The following KIF2A variants were observed in gnomAD, a reference collection of about 807,000 sequenced individuals.
KIF2A encodes the protein kinesin-like protein KIF2A.
Under a neutral mutation model 100.2 loss-of-function variants are expected in KIF2A, and 22 were observed. The observed-to-expected ratio is 0.22, with a 90% CI of 0.16 to 0.31. KIF2A has a LOEUF of 0.31. Among genes scored for constraint, KIF2A ranks in the 10% least tolerant of loss-of-function variants. The pLI is 1.00. For missense variants in KIF2A, 495 were observed against 898.7 expected, an observed-to-expected ratio of 0.55 and a Z score of 5.74; for synonymous variants, 268 against 285.9, an observed-to-expected ratio of 0.94 and a Z score of 0.63.
At chr5:62,352,818 T>C (rs967613791) in intron 5 of KIF2A, 108 bp downstream of exon 5, 4 of 795,270 alleles carry the variant, frequency 5.0e-6, no homozygotes, top group Non-Finnish European at 5.5e-6. Context: ...ACAAGCTTGA[T>C]TGCAGATTTC....
Position 62,355,162 on chromosome 5 carries a change from G to A in KIF2A, c.562G>A (p.Val188Ile), listed in dbSNP as rs777382535. Residue 188 changes from valine to isoleucine, a missense_variant, in exon 7 of 21, where the codon GTT becomes ATT. By Grantham distance (29) the Val-to-Ile change is conservative. Coordinates refer to ENST00000407818, the MANE Select transcript of KIF2A (RefSeq NM_001098511.3). ...AATTCTCTCTGTCTTCTAATAGGAC[G>A]TTGATGCTACAAACCCAAATTATGA... is the stretch of plus-strand genomic sequence containing the variant. ...QELREKRAQD[V>I]DATNPNYEIM... 1.0e-5 allele frequency: 15 copies of A among 1,480,082 alleles called. No individual in the cohort carries two copies. Among genetic ancestry groups the A allele is most frequent in the African/African-American group, 1.4e-5 (1 of 72,194 alleles). The allele number at this position is 1,480,082 out of a possible 1,614,324, so 91.7% of individuals were successfully genotyped here.
intron 4 of KIF2A, among the ~76,000 whole-genome samples, chr5:62,351,306 A>G (rs1747845232): frequency 6.6e-6 from 1 of 152,140 alleles, no homozygotes; most frequent in African/African-American, 2.4e-5. Flanking sequence ...GCAATTTTTA[A>G]TTCATCTTAT....
chr5:62,345,326 TGTG>T (rs1747503233), intron 1 of KIF2A, among the ~76,000 whole-genome samples: 1 of 150,300 alleles, frequency 6.7e-6, no homozygotes, highest in Non-Finnish European at 1.5e-5. Flanking sequence ...ACACGGAGGT[TGTG>T]GTGAGCTGAG....
intron 16 of KIF2A, among the ~76,000 whole-genome samples, chr5:62,370,724 G>A (rs114397839): frequency 5.3e-3 from 813 of 152,286 alleles, no homozygotes; most frequent in Non-Finnish European, 8.1e-3. Context: ...CTGAAGCAGA[G>A]ATACTTAATC....
At chr5:62,337,861 A>G (rs1371513401) in intron 1 of KIF2A, among the ~76,000 whole-genome samples, 2 of 152,102 alleles carry the variant, frequency 1.3e-5, no homozygotes, top group Non-Finnish European at 2.9e-5. Context: ...GCTGGCCAGT[A>G]TCAGTCTTAA....
intron 1 of KIF2A, among the ~76,000 whole-genome samples, chr5:62,311,457 C>G (rs1745549479): frequency 6.6e-6 from 1 of 152,088 alleles, no homozygotes; most frequent in South Asian, 2.1e-4. Flanking sequence ...GTAAAGAGTT[C>G]CTTTTAACAT....
intron 5 of KIF2A, 41 bp downstream of exon 5, chr5:62,352,751 T>C (rs1181903377): frequency 2.6e-6 from 4 of 1,563,698 alleles, no homozygotes; most frequent in African/African-American, 2.7e-5. Flanking sequence ...ATTTTAGGCA[T>C]ACATGTATTC....
In KIF2A at chr5:62,387,908, TGGAAAC is replaced by T. The variant is rs1249016598; in HGVS notation, c.*2340_*2345del. 1.3e-5 allele frequency: 2 copies of T among 152,062 alleles called. No homozygotes were observed. The highest frequency in any genetic ancestry group is 2.9e-5 in the Non-Finnish European group (2 of 67,988). The allele number at this position is 152,062 out of a possible 1,614,324, so 9.4% of individuals were successfully genotyped here. A position where few individuals can be genotyped will look rare whatever the true frequency, so the allele number is the denominator to read the frequency against. On this transcript the variant is annotated 3_prime_UTR_variant, in exon 21 of 21. Coordinates refer to ENST00000407818, the MANE Select transcript of KIF2A (RefSeq NM_001098511.3). ...CAAAATCTGGCTTTGTTAAATTAAT[TGGAAAC>T]ACTCTTCTATTAAGTTAGGTATTAA...
At chr5:62,384,162 G>C (rs1265556951) in intron 20 of KIF2A, among the ~76,000 whole-genome samples, 1 of 152,182 alleles carries the variant, frequency 6.6e-6, no homozygotes, top group East Asian at 1.9e-4. Flanking sequence ...ACTTGAACCC[G>C]GGGCAGGGGG....
intron 1 of KIF2A, among the ~76,000 whole-genome samples, 176 bp from the exon 2 acceptor site, chr5:62,346,953 AT>A (rs1474025503): frequency 6.6e-6 from 1 of 152,154 alleles, no homozygotes; most frequent in African/African-American, 2.4e-5. Context: ...TAGCAAATTG[AT>A]TTATGGCCCC....
At position 62,352,587 on chromosome 5, in the gene KIF2A, G is replaced by A; in HGVS notation, c.335-1G>A. The A allele has an allele frequency of 6.6e-7, 1 of 1,525,996 alleles. No homozygotes were observed. Among genetic ancestry groups the A allele is most frequent in the Non-Finnish European group, 8.8e-7 (1 of 1,138,756 alleles). 94.5% of individuals were successfully genotyped at this position (1,525,996 alleles called of 1,614,324 possible). ...TTAAAATTTTTTTTTTTTACTTACA[G>A]TGGTTGGTTCAGCACGTGCACGGCC... On this transcript the variant is annotated splice_acceptor_variant, in intron 4 of 20. Transcript: ENST00000407818. LOFTEE classifies it high-confidence loss of function.
chr5:62,323,489 C>T (rs1746211618), intron 1 of KIF2A, among the ~76,000 whole-genome samples: 1 of 150,474 alleles, frequency 6.6e-6, no homozygotes, highest in African/African-American at 2.5e-5. Flanking sequence ...CACCACTGCA[C>T]TCCAGCCTGG....
chr5:62,344,409 ATG>A (rs1747454082), intron 1 of KIF2A, among the ~76,000 whole-genome samples: 1 of 152,142 alleles, frequency 6.6e-6, no homozygotes, highest in African/African-American at 2.4e-5. Context: ...AAATGAACCA[ATG>A]TGAATTAAAT....
intron 16 of KIF2A, among the ~76,000 whole-genome samples, chr5:62,371,861 C>T (rs1454604100): frequency 2.0e-5 from 3 of 152,166 alleles, no homozygotes; most frequent in Non-Finnish European, 4.4e-5. Context: ...TTGCTAAAGG[C>T]TGTTCTCAAC....
At chr5:62,350,920 A>C (rs1367097585) in intron 4 of KIF2A, among the ~76,000 whole-genome samples, 1 of 151,750 alleles carries the variant, frequency 6.6e-6, no homozygotes, top group Non-Finnish European at 1.5e-5. Flanking sequence ...TCCAAAAAAA[A>C]AAAAAGATTT....
At chr5:62,347,253 T>A in intron 2 of KIF2A, 29 bp downstream of exon 2, 1 of 1,161,172 alleles carries the variant, frequency 8.6e-7, no homozygotes, top group Non-Finnish European at 1.3e-6. Flanking sequence ...ATTTTATTCC[T>A]AGTCCTGCAA....
rs183306251 is a variant in KIF2A at position 62,347,621 on chromosome 5, T to C, written c.159+397T>C. 5.5e-3 allele frequency among the ~76,000 whole-genome samples: 840 copies of C among 152,036 alleles called. 13 individuals carry two copies. Among genetic ancestry groups the C allele is most frequent in the Admixed American group, 5.3e-3 (80 of 15,110 alleles). ...AATCTCATTTGTAAGGCTAAGGCACTGTATTCTTTTTTTTTTGTTTTTGAG... is the reference window on the plus strand; with the variant it reads ...AATCTCATTTGTAAGGCTAAGGCACCGTATTCTTTTTTTTTTGTTTTTGAG... On this transcript the variant is annotated intron_variant, in intron 2 of 20. Coordinates refer to ENST00000407818, the MANE Select transcript of KIF2A (RefSeq NM_001098511.3).
chr5:62,355,024 A>G (rs752492463), intron 6 of KIF2A, 135 bp from the exon 7 acceptor site: 2 of 555,028 alleles, frequency 3.6e-6, no homozygotes, highest in Admixed American at 3.4e-5. Context: ...CTGTGAAACT[A>G]TATAATATCG....
chr5:62,310,067 A>ATT (rs67787762), intron 1 of KIF2A, among the ~76,000 whole-genome samples: 3 of 123,080 alleles, frequency 2.4e-5, no homozygotes, highest in Non-Finnish European at 3.4e-5. Context: ...ATAACTAATA[A>ATT]TTCTTTTTTT....
Sources: allele counts gnomAD v4.1 joint callset (sites outside exome capture counted in the v4.1 genomes callset), GRCh38; gene constraint gnomAD v4.1.1; transcripts MANE v1.5; gene names NCBI Gene and HGNC (gene_info 2026-07-23, HGNC 2026-07-21).